The following RAPGEF2 variants were observed in gnomAD, a reference collection of about 807,000 sequenced individuals.
RAPGEF2 encodes the protein Rap guanine nucleotide exchange factor 2, also known as PDZ domain containing guanine nucleotide exchange factor (GEF) 1.
Under a neutral mutation model 186.7 loss-of-function variants are expected in RAPGEF2, and 54 were observed. The ratio of observed to expected loss-of-function variants is 0.29; its 90% CI spans 0.23 to 0.36. The LOEUF (loss-of-function observed/expected upper bound fraction) is 0.36. RAPGEF2 is among the 10% of genes least tolerant of loss of function. The pLI is 1.00. For missense variants in RAPGEF2, 1,532 were observed against 2,045.0 expected, an observed-to-expected ratio of 0.75 and a Z score of 4.84; for synonymous variants, 712 against 705.9, an observed-to-expected ratio of 1.01 and a Z score of -0.14.
intron 4 of RAPGEF2, among the ~76,000 whole-genome samples, chr4:159,214,762 C>T (rs1395688542): frequency 1.3e-5 from 2 of 150,708 alleles, no homozygotes; most frequent in Non-Finnish European, 2.9e-5. Context: ...AGATAGTTTA[C>T]CTAGGTTTTA....
At position 159,355,867 on chromosome 4, in the gene RAPGEF2, A is replaced by G. The variant is rs932081271; in HGVS notation, c.4666A>G (p.Arg1556Gly). The G allele has an allele frequency of 3.9e-5, 60 of 1,547,830 alleles. No individual in the cohort carries two copies. Among genetic ancestry groups the G allele is most frequent in the Non-Finnish European group, 5.1e-5 (58 of 1,144,810 alleles). ...TKGLIARKEG[R>G]YREPPPTPPG... Reference sequence around the variant, plus strand: ...TTCTACTCTAGCACGAAAGGAGGGCAGGTATCGAGAGCCCCCGCCCACCCC... The same window carrying G: ...TTCTACTCTAGCACGAAAGGAGGGCGGGTATCGAGAGCCCCCGCCCACCCC... The change falls in exon 29 of 30, where the codon AGG (arginine) becomes GGG (glycine). Residue 1556 changes from arginine (R) to glycine (G), a missense_variant. This residue lies in a region of RAPGEF2 where 594 missense variants were observed against 608.5 expected (regional missense o/e 0.98). Coordinates refer to ENST00000691494, the MANE Select transcript of RAPGEF2 (RefSeq NM_001394067.2).
intron 1 of RAPGEF2, among the ~76,000 whole-genome samples, chr4:159,158,663 T>G (rs1744378138): frequency 1.3e-5 from 2 of 152,216 alleles, no homozygotes; most frequent in African/African-American, 4.8e-5. Context: ...CAGAGATGAC[T>G]ATAGTCACCT....
intron 4 of RAPGEF2, among the ~76,000 whole-genome samples, chr4:159,215,732 G>C (rs1329052284): frequency 2.0e-5 from 3 of 152,168 alleles, no homozygotes; most frequent in Non-Finnish European, 2.9e-5. Context: ...ATTTGGAGAG[G>C]AATCTCTTCA....
At chr4:159,241,898 CTG>C (rs1475244232) in intron 6 of RAPGEF2, among the ~76,000 whole-genome samples, 2 of 151,936 alleles carry the variant, frequency 1.3e-5, no homozygotes, top group Non-Finnish European at 2.9e-5. Context: ...GAGAATATCT[CTG>C]AGATTTATTT....
At chr4:159,175,637 C>A (rs191269571) in intron 1 of RAPGEF2, among the ~76,000 whole-genome samples, 1 of 152,256 alleles carries the variant, frequency 6.6e-6, no homozygotes. Flanking sequence ...GCTTTAAACC[C>A]CCATCTCTGT....
At chr4:159,126,310 CAAAA>C (rs1740291536) in intron 1 of RAPGEF2, among the ~76,000 whole-genome samples, 1 of 151,994 alleles carries the variant, frequency 6.6e-6, no homozygotes, top group East Asian at 1.9e-4. Context: ...AAACAAAATA[CAAAA>C]TAGCATAGGA....
At chr4:159,249,927 A>G (rs1755108083) in intron 7 of RAPGEF2, among the ~76,000 whole-genome samples, 1 of 152,194 alleles carries the variant, frequency 6.6e-6, no homozygotes, top group African/African-American at 2.4e-5. Flanking sequence ...GGACTGACTG[A>G]GCATATCCAT....
intron 7 of RAPGEF2, among the ~76,000 whole-genome samples, chr4:159,244,736 G>GAT (rs1245848553): frequency 6.6e-6 from 1 of 151,848 alleles, no homozygotes; most frequent in African/African-American, 2.4e-5. Context: ...CTAAAAGTAT[G>GAT]AATTTTATGT....
At chr4:159,128,944 G>GTGTATA (rs764619769) in intron 1 of RAPGEF2, 5 of 132,948 alleles carry the variant, frequency 3.8e-5, no homozygotes, top group African/African-American at 1.4e-4. Flanking sequence ...GTGTGTGTGT[G>GTGTATA]TATATATATA....
chr4:159,240,331 CTTT>C (rs370477370), intron 5 of RAPGEF2, among the ~76,000 whole-genome samples: 1,032 of 77,622 alleles, frequency 0.013, 16 homozygotes, highest in Non-Finnish European at 0.018. Context: ...AGCATTTCTA[CTTT>C]TTTTTTTTTT....
chr4:159,331,621 C>T lies in RAPGEF2; in HGVS notation c.1576-9C>T, dbSNP rs1766694104. 1 of 1,613,848 alleles carries T rather than the reference C, an allele frequency of 6.2e-7. No individual in the cohort carries two copies. The highest frequency in any genetic ancestry group is 1.1e-5 in the South Asian group (1 of 91,074). ...TTGAGTTGACACTACTGTTTCTGAA[C>T]TCTTAAAGAAAATGGGTGGACACCT... On this transcript the variant is annotated splice_polypyrimidine_tract_variant and intron_variant, in intron 14 of 29. Transcript: ENST00000691494.
chr4:159,148,496 T>C lies in RAPGEF2; in HGVS notation c.70-38146T>C, dbSNP rs549537469. 3.3e-5 allele frequency among the ~76,000 whole-genome samples: 5 copies of C among 152,346 alleles called. No individual in the cohort carries two copies. In the East Asian group the frequency reaches 9.6e-4, roughly 29 times the overall value. ...AATTTGGGGAGTTGAATATAATGTT[T>C]CCAATAATTTTTCCTGATTTTATTT... On this transcript the variant is annotated intron_variant, in intron 1 of 29. Transcript: ENST00000691494.
intron 1 of RAPGEF2, among the ~76,000 whole-genome samples, chr4:159,170,488 A>C (rs148571611): frequency 3.9e-5 from 6 of 152,216 alleles, no homozygotes; most frequent in Non-Finnish European, 5.9e-5. Flanking sequence ...CATAGTATTT[A>C]CATGGCATTA....
At chr4:159,215,433 C>G (rs1312635205) in intron 4 of RAPGEF2, among the ~76,000 whole-genome samples, 5 of 152,184 alleles carry the variant, frequency 3.3e-5, no homozygotes, top group African/African-American at 7.2e-5. Flanking sequence ...CCACCTTGAC[C>G]TCCCAAAGTT....
At chr4:159,330,299 A>T (rs56024370) in intron 12 of RAPGEF2, 35 bp from the exon 13 acceptor site, 4 of 806,492 alleles carry the variant, frequency 5.0e-6, no homozygotes, top group Admixed American at 2.8e-5. Context: ...GTGTGTGTAT[A>T]TATATGTAGT....
chr4:159,161,185 A>G (rs147707701), intron 1 of RAPGEF2, among the ~76,000 whole-genome samples: 1 of 152,308 alleles, frequency 6.6e-6, no homozygotes, highest in Non-Finnish European at 1.5e-5. Flanking sequence ...TCATGTATTA[A>G]TTTGTTTTCA....
intron 7 of RAPGEF2, among the ~76,000 whole-genome samples, chr4:159,302,367 T>C (rs1404734538): frequency 6.6e-6 from 1 of 152,228 alleles, no homozygotes. Flanking sequence ...CTATGTTGCA[T>C]GTCAACCTGA....
chr4:159,202,105 C>T (rs1476348972), intron 3 of RAPGEF2, among the ~76,000 whole-genome samples: 4 of 152,184 alleles, frequency 2.6e-5, no homozygotes, highest in South Asian at 2.1e-4. Context: ...GTCGTGTGCT[C>T]GGCTCAGCCA....
Position 159,238,855 on chromosome 4 carries a change from A to G in RAPGEF2, c.328A>G (p.Ile110Val), listed in dbSNP as rs924269652. ...AGSFRRGCECIVLEPSEMIVV... is the reference protein window; with the variant it reads ...AGSFRRGCECVVLEPSEMIVV... ...AAGTTTTAGGCGTGGCTGTGAATGC[A>G]TTGTTTTAGAGCCTTCTGAAATGAT... The change falls in exon 5 of 30, where the codon ATT becomes GTT. Residue 110 changes from isoleucine to valine, a missense_variant. Around this residue, in one of 4 missense-constraint regions of RAPGEF2, gnomAD observed 810 missense variants for 1,210.5 expected, o/e 0.67. Coordinates refer to ENST00000691494, the MANE Select transcript of RAPGEF2 (RefSeq NM_001394067.2). 10 of 1,524,954 alleles carry G rather than the reference A, an allele frequency of 6.6e-6. No individual in the cohort carries two copies. The African/African-American group carries it at 1.1e-4, about 17-fold the overall frequency. The allele number at this position is 1,524,954 out of a possible 1,614,324, so 94.5% of individuals were successfully genotyped here.
Sources: allele counts gnomAD v4.1 joint callset (sites outside exome capture counted in the v4.1 genomes callset), GRCh38; gene constraint gnomAD v4.1.1; regional missense constraint gnomAD v4.1.1; transcripts MANE v1.5; gene names NCBI Gene and HGNC (gene_info 2026-07-23, HGNC 2026-07-21).